PTPRD: variants seen among roughly 807,000 people sequenced by gnomAD.
The protein encoded by PTPRD is receptor-type tyrosine-protein phosphatase delta.
In PTPRD, 34 loss-of-function variants were observed where a neutral mutation model predicts 214.5. The observed-to-expected ratio is 0.16, with a 90% CI of 0.12 to 0.21. The LOEUF (loss-of-function observed/expected upper bound fraction) is 0.21, where lower values mean the gene tolerates loss of function less well. Among genes scored for constraint, PTPRD ranks in the 10% least tolerant of loss-of-function variants. PTPRD has a pLI of 1.00. For missense variants in PTPRD, 2,545 were observed against 2,398.7 expected, an observed-to-expected ratio of 1.06 and a Z score of -1.27; for synonymous variants, 1,128 against 845.7, an observed-to-expected ratio of 1.33 and a Z score of -5.79.
At chr9:9,065,894 G>A (rs2099729829) in intron 10 of PTPRD, among the ~76,000 whole-genome samples, 1 of 152,096 alleles carries the variant, frequency 6.6e-6, no homozygotes, top group Non-Finnish European at 1.5e-5. Context: ...TTTGCTAAAT[G>A]GGTTTAAATA....
At chr9:8,750,735 G>C (rs776684663) in intron 11 of PTPRD, among the ~76,000 whole-genome samples, 1 of 152,176 alleles carries the variant, frequency 6.6e-6, no homozygotes, top group Admixed American at 6.5e-5. Context: ...ATTCCCAGCA[G>C]AGAATGATAC....
At chr9:8,624,337 T>G (rs993707337) in intron 14 of PTPRD, among the ~76,000 whole-genome samples, 5 of 151,938 alleles carry the variant, frequency 3.3e-5, no homozygotes, top group African/African-American at 1.2e-4. Context: ...TCATCCTATT[T>G]CCTTGTGAAA....
intron 3 of PTPRD, among the ~76,000 whole-genome samples, chr9:10,119,484 G>C (rs924154773): frequency 6.6e-6 from 1 of 151,950 alleles, no homozygotes; most frequent in Admixed American, 6.6e-5. Context: ...CTAGTAGTAA[G>C]AGTAGTTAAA....
rs553744063 is a variant in PTPRD at position 9,350,219 on chromosome 9, A to G, written c.-203+47230T>C. 1.6e-4 allele frequency among the ~76,000 whole-genome samples: 25 copies of G among 152,202 alleles called. No individual in the cohort carries two copies. In the South Asian group the frequency reaches 3.9e-3, roughly 24 times the overall value. On this transcript the variant is annotated intron_variant, in intron 9 of 45. Transcript: ENST00000381196. Reference sequence around the variant, plus strand: ...AACAAGCAGTTAATTTTTGTCATATAGAAATAATAACTCTTAGACTGGATT... The same window carrying G: ...AACAAGCAGTTAATTTTTGTCATATGGAAATAATAACTCTTAGACTGGATT...
chr9:10,530,068 A>T (rs892481798), intron 2 of PTPRD, among the ~76,000 whole-genome samples: 28 of 152,192 alleles, frequency 1.8e-4, no homozygotes, highest in African/African-American at 5.3e-4. Flanking sequence ...ACTTAAGATT[A>T]AAAAAGTCAA....
intron 44 of PTPRD, among the ~76,000 whole-genome samples, chr9:8,321,520 TATATATAAAA>T (rs1190355862): frequency 2.3e-5 from 3 of 132,088 alleles, no homozygotes; most frequent in African/African-American, 8.6e-5. Context: ...TATATATATA[TATATATAAAA>T]GGTATATGCA....
chr9:8,438,463 C>A (rs1306308168), intron 34 of PTPRD, among the ~76,000 whole-genome samples: 1 of 152,120 alleles, frequency 6.6e-6, no homozygotes, highest in East Asian at 1.9e-4. Flanking sequence ...GGAACCCTTT[C>A]TGAAACTTTT....
At chr9:9,151,838 C>T (rs1398574504) in intron 10 of PTPRD, among the ~76,000 whole-genome samples, 1 of 152,160 alleles carries the variant, frequency 6.6e-6, no homozygotes, top group African/African-American at 2.4e-5. Context: ...CTCCAGATCA[C>T]GCCTGGGCCA....
chr9:8,369,460 G>T (rs1309294073), intron 39 of PTPRD, among the ~76,000 whole-genome samples: 1 of 151,376 alleles, frequency 6.6e-6, no homozygotes, highest in Non-Finnish European at 1.5e-5. Context: ...ACTGGCATCT[G>T]ATTTTTTACT....
chr9:8,902,554 A>G (rs1297061170), intron 11 of PTPRD, among the ~76,000 whole-genome samples: 1 of 152,068 alleles, frequency 6.6e-6, no homozygotes, highest in Middle Eastern at 3.2e-3. Flanking sequence ...CATGTTGGCC[A>G]GGCTGGTGTT....
rs573826204 is a variant in PTPRD at position 10,004,624 on chromosome 9, A to AAC, written c.-472+29092_-472+29093dup. Among the ~76,000 whole-genome samples, 925 of 151,834 alleles carry AAC rather than the reference A, an allele frequency of 6.1e-3. 9 individuals are homozygous for AAC. Among genetic ancestry groups the AAC allele is most frequent in the African/African-American group, 0.021 (863 of 41,444 alleles). ...AGCTCTCTGATAAGTTTTACATTTT[A>AAC]ACACACACACACACCGCACACACAC... On this transcript the variant is annotated intron_variant, in intron 4 of 45. Transcript: ENST00000381196.
Position 8,755,284 on chromosome 9 carries a change from C to T in PTPRD, c.-103-21338G>A, listed in dbSNP as rs372692028. ...GTGGCTCACGCCTGTAATCCCAGCA[C>T]TTTGGGAGGCCGAGGTGGACGGATC... On this transcript the variant is annotated intron_variant, in intron 11 of 45. Coordinates refer to ENST00000381196, the MANE Select transcript of PTPRD (RefSeq NM_002839.4). Among the ~76,000 whole-genome samples the T allele has an allele frequency of 2.9e-4, 43 of 150,302 alleles. 2 individuals carry two copies. The East Asian group carries it at 6.3e-3, about 22-fold the overall frequency.
intron 8 of PTPRD, among the ~76,000 whole-genome samples, chr9:9,505,258 ATAAT>A (rs1429188023): frequency 6.6e-6 from 1 of 151,630 alleles, no homozygotes; most frequent in Admixed American, 6.6e-5. Context: ...CTTAGATTAA[ATAAT>A]TAATCAGCAG....
intron 11 of PTPRD, among the ~76,000 whole-genome samples, chr9:8,788,610 C>T (rs373167595): frequency 1.2e-3 from 180 of 152,198 alleles, no homozygotes; most frequent in Non-Finnish European, 2.1e-3. Context: ...AAAAACGTTT[C>T]CCTTAAAATC....
chr9:9,653,906 C>A (rs1381467805), intron 7 of PTPRD, among the ~76,000 whole-genome samples: 1 of 152,066 alleles, frequency 6.6e-6, no homozygotes, highest in Non-Finnish European at 1.5e-5. Flanking sequence ...CAATGGAAGG[C>A]TTATTTAAAT....
intron 4 of PTPRD, among the ~76,000 whole-genome samples, chr9:9,971,922 G>T (rs1031223201): frequency 2.0e-5 from 3 of 151,868 alleles, no homozygotes; most frequent in Non-Finnish European, 2.9e-5. Flanking sequence ...TGGAAACATT[G>T]CTGGTAACAT....
At chr9:8,657,745 C>T (rs994154509) in intron 12 of PTPRD, among the ~76,000 whole-genome samples, 6 of 152,100 alleles carry the variant, frequency 3.9e-5, no homozygotes, top group Non-Finnish European at 7.3e-5. Flanking sequence ...GGAAAGCATA[C>T]ATTTTACTAA....
chr9:8,895,626 C>A (rs1364667188), intron 11 of PTPRD, among the ~76,000 whole-genome samples: 1 of 152,134 alleles, frequency 6.6e-6, no homozygotes, highest in Admixed American at 6.6e-5. Flanking sequence ...AATTCCTGTG[C>A]CCTGCATTCG....
At chr9:8,415,842 C>T (rs2093894350) in intron 35 of PTPRD, among the ~76,000 whole-genome samples, 1 of 152,042 alleles carries the variant, frequency 6.6e-6, no homozygotes, top group Admixed American at 6.6e-5. Flanking sequence ...CAAGACCACA[C>T]AACTAATGCA....
Sources: allele counts gnomAD v4.1 joint callset (sites outside exome capture counted in the v4.1 genomes callset), GRCh38; gene constraint gnomAD v4.1.1; transcripts MANE v1.5; gene names NCBI Gene and HGNC (gene_info 2026-07-23, HGNC 2026-07-21).